KIAA1671: variants seen among roughly 807,000 people sequenced by gnomAD.
KIAA1671 encodes the protein uncharacterized protein KIAA1671.
In KIAA1671, 52 loss-of-function variants were observed where a neutral mutation model predicts 131.2. The observed-to-expected ratio is 0.40, with a 90% CI of 0.32 to 0.50. KIAA1671 has a LOEUF of 0.50. Among genes scored for constraint, KIAA1671 ranks in the 20% least tolerant of loss-of-function variants. The pLI is 0.73. For missense variants in KIAA1671, 2,360 were observed against 2,364.2 expected, an observed-to-expected ratio of 1.00 and a Z score of 0.04; for synonymous variants, 1,003 against 961.6, an observed-to-expected ratio of 1.04 and a Z score of -0.80.
At chr22:24,989,140 G>T (rs989617479) in intron 1 of KIAA1671, among the ~76,000 whole-genome samples, 10 of 152,232 alleles carry the variant, frequency 6.6e-5, no homozygotes, top group Admixed American at 6.5e-5. Context: ...GAGTAGGAAG[G>T]GGTGTTCATT....
rs547809171 is a variant in KIAA1671 at position 25,142,683 on chromosome 22, CTGAT to C, written c.4531-28136_4531-28133del. Among the ~76,000 whole-genome samples, 318 of 152,248 alleles carry C rather than the reference CTGAT, an allele frequency of 2.1e-3. 2 individuals are homozygous for C. Among genetic ancestry groups the C allele is most frequent in the Middle Eastern group, 3.4e-3 (1 of 294 alleles). On this transcript the variant is annotated intron_variant, in intron 6 of 12. Transcript: ENST00000358431. ...GGTCAGGAGTTCGAGACCAGCCTGA[CTGAT>C]ATGGTGAAACCCCGTCTCTAATAAA...
At chr22:24,955,228 T>C (rs1301643217) in intron 1 of KIAA1671, among the ~76,000 whole-genome samples, 1 of 152,244 alleles carries the variant, frequency 6.6e-6, no homozygotes, top group Admixed American at 6.5e-5. Flanking sequence ...ATTCATTCAT[T>C]TATTTATCAT....
chr22:25,152,524 T>C (rs1293970116), intron 6 of KIAA1671, among the ~76,000 whole-genome samples: 1 of 152,184 alleles, frequency 6.6e-6, no homozygotes, highest in Non-Finnish European at 1.5e-5. Flanking sequence ...TTCAGTTTTC[T>C]CCTGTATAAA....
rs995842107 is a variant in KIAA1671 at position 25,105,992 on chromosome 22, A to G, written c.4530+56628A>G. ...GCTGATGGTGTAATACAGTGATGCA[A>G]TGTAATGCCTGGCACATAGTAAGTG... On this transcript the variant is annotated intron_variant, in intron 6 of 12. Transcript: ENST00000358431. Among the ~76,000 whole-genome samples the G allele has an allele frequency of 2.6e-5, 4 of 152,284 alleles. No individual in the cohort carries two copies. The East Asian group carries it at 7.7e-4, about 29-fold the overall frequency.
rs562393230 is a variant in KIAA1671 at position 25,133,610 on chromosome 22, A to G, written c.4531-37210A>G. ...GAGGCTGGAGTGCAGTGGTGCAATC[A>G]TAGTTCACTGCAGCCTCGAACTCCT... On this transcript the variant is annotated intron_variant, in intron 6 of 12. Transcript: ENST00000358431. Among the ~76,000 whole-genome samples the G allele has an allele frequency of 7.2e-5, 11 of 152,278 alleles. 1 individual carries two copies. The South Asian group carries it at 1.9e-3, about 26-fold the overall frequency.
intron 6 of KIAA1671, among the ~76,000 whole-genome samples, chr22:25,158,114 C>T (rs924306023): frequency 1.3e-5 from 2 of 152,206 alleles, no homozygotes; most frequent in Non-Finnish European, 2.9e-5. Flanking sequence ...AGCCACCATG[C>T]CCAGCCCACA....
rs141623206 is a variant in KIAA1671 at position 25,187,837 on chromosome 22, A to G, written c.5342+2718A>G. Among the ~76,000 whole-genome samples the G allele has an allele frequency of 4.2e-3, 647 of 152,310 alleles. 5 individuals are homozygous for G. The highest frequency in any genetic ancestry group is 0.015 in the African/African-American group (608 of 41,578). On this transcript the variant is annotated intron_variant, in intron 11 of 12. Transcript: ENST00000358431. ...TTTATTAAAATGTTGTGTTCTCATT[A>G]TAAGAAATTCTGAGAACACAGAAAA...
chr22:25,183,431 T>TCCCC (rs1934358680), intron 10 of KIAA1671, among the ~76,000 whole-genome samples: 1 of 38,740 alleles, frequency 2.6e-5, no homozygotes, highest in African/African-American at 7.6e-5. Flanking sequence ...TTTCTTTCCC[T>TCCCC]CCCTCCCTCC....
intron 6 of KIAA1671, among the ~76,000 whole-genome samples, chr22:25,098,404 G>A (rs1930492750): frequency 6.6e-6 from 1 of 152,128 alleles, no homozygotes; most frequent in African/African-American, 2.4e-5. Flanking sequence ...CAATAGCAGA[G>A]ACTAAGACAT....
At position 25,029,275 on chromosome 22, in the gene KIAA1671, G is replaced by A. The variant is rs919589980; in HGVS notation, c.1276G>A (p.Ala426Thr). ...GAGCAGAGTGGCGGATGGGGAGGCC[G>A]CGGCAGGGGGAGAGTGGGCCTCCAG... is the stretch of plus-strand genomic sequence containing the variant. The part of the protein sequence containing the change: ...VKSRVADGEA[A>T]AGGEWASRRS... Residue 426 changes from alanine to threonine, a missense_variant, in exon 3 of 13, where the codon GCG (alanine) becomes ACG (threonine). Transcript: ENST00000358431. The A allele has an allele frequency of 6.6e-6, 10 of 1,504,854 alleles. No individual in the cohort carries two copies. Among genetic ancestry groups the A allele is most frequent in the Admixed American group, 4.2e-5 (2 of 47,340 alleles). The allele number at this position is 1,504,854 out of a possible 1,614,324, so 93.2% of individuals were successfully genotyped here. A position where few individuals can be genotyped will look rare whatever the true frequency, so the allele number is the denominator to read the frequency against.
Position 25,150,413 on chromosome 22 carries a change from C to T in KIAA1671, c.4531-20407C>T, listed in dbSNP as rs142493345. Among the ~76,000 whole-genome samples, 880 of 152,304 alleles carry T rather than the reference C, an allele frequency of 5.8e-3. 5 individuals are homozygous for T. Among genetic ancestry groups the T allele is most frequent in the Non-Finnish European group, 9.6e-3 (655 of 68,022 alleles). On this transcript the variant is annotated intron_variant, in intron 6 of 12. Transcript: ENST00000358431. ...TTACCTGAGGCCATACAGCCAGGGA[C>T]GCAGGCTCTGTCGGCCCTCTGAGCC...
chr22:24,988,630 G>A (rs1374595387), intron 1 of KIAA1671, among the ~76,000 whole-genome samples: 1 of 151,702 alleles, frequency 6.6e-6, no homozygotes, highest in Non-Finnish European at 1.5e-5. Context: ...CAGCTACTTG[G>A]GAGGCTGAGG....
chr22:25,127,359 G>T (rs1932231429), intron 6 of KIAA1671, among the ~76,000 whole-genome samples: 1 of 152,178 alleles, frequency 6.6e-6, no homozygotes, highest in Non-Finnish European at 1.5e-5. Context: ...GGCTCCACTG[G>T]TGTTTTAAGA....
Position 25,039,481 on chromosome 22 carries a change from G to C in KIAA1671, c.2351G>C (p.Cys784Ser). The stretch of plus-strand genomic sequence containing the variant: ...GAGGTCACCCCTGCTGACCTGGAGT[G>C]TGGTTTGGAAGGTCAGGCGGGGTCC... The part of the protein sequence containing the change: ...SQEVTPADLE[C>S]GLEGQAGSVQ... Residue 784 changes from cysteine to serine, a missense_variant, in exon 5 of 13, where the codon TGT becomes TCT. By Grantham distance (112) the Cys-to-Ser change is moderately radical. This residue lies in a region of KIAA1671 where 1,185 missense variants were observed against 1,126.2 expected (regional missense o/e 1.05). Coordinates refer to ENST00000358431, the MANE Select transcript of KIAA1671 (RefSeq NM_001145206.2). The C allele has an allele frequency of 6.4e-7, 1 of 1,551,808 alleles. No homozygotes were observed. Among genetic ancestry groups the C allele is most frequent in the Non-Finnish European group, 8.7e-7 (1 of 1,147,024 alleles).
chr22:24,965,429 G>A (rs1169313766), intron 1 of KIAA1671, among the ~76,000 whole-genome samples: 2 of 150,770 alleles, frequency 1.3e-5, no homozygotes, highest in African/African-American at 4.9e-5. Flanking sequence ...AAAAAAAACG[G>A]GAGACCTCCC....
At position 25,039,473 on chromosome 22, in the gene KIAA1671, C is replaced by T; in HGVS notation, c.2343C>T (p.Asp781=). The change falls in exon 5 of 13, where the codon GAC becomes GAT. Residue 781 remains aspartate, a synonymous_variant. Coordinates refer to ENST00000358431, the MANE Select transcript of KIAA1671 (RefSeq NM_001145206.2). ...RQLSQEVTPA[D]LECGLEGQAG... The stretch of plus-strand genomic sequence containing the variant: ...TGTCCCAGGAGGTCACCCCTGCTGA[C>T]CTGGAGTGTGGTTTGGAAGGTCAGG... The T allele has an allele frequency of 6.4e-7, 1 of 1,551,798 alleles. No homozygotes were observed. Among genetic ancestry groups the T allele is most frequent in the Non-Finnish European group, 8.7e-7 (1 of 1,147,018 alleles).
chr22:25,031,260 G>A (rs1185647392), intron 3 of KIAA1671, among the ~76,000 whole-genome samples: 6 of 142,742 alleles, frequency 4.2e-5, no homozygotes, highest in African/African-American at 1.6e-4. Flanking sequence ...GCAGTGGCAC[G>A]ATCTTGGCTC....
In KIAA1671 at chr22:24,968,442, G is replaced by T. The variant is rs16979345; in HGVS notation, c.-208+15670G>T. Among the ~76,000 whole-genome samples, 590 of 152,236 alleles carry T rather than the reference G, an allele frequency of 3.9e-3. 21 individuals are homozygous for T. The East Asian group carries it at 0.077, about 20-fold the overall frequency. On this transcript the variant is annotated intron_variant, in intron 1 of 12. Transcript: ENST00000358431. ...AGCCTATAGTAGAAGACGCCACCTG[G>T]GTCCGGAGCCATGCAGCCCGCAGTC...
At chr22:24,983,500 G>T (rs777683305) in intron 1 of KIAA1671, among the ~76,000 whole-genome samples, 5 of 151,892 alleles carry the variant, frequency 3.3e-5, no homozygotes, top group Non-Finnish European at 5.9e-5. Flanking sequence ...TCCAAAGAAG[G>T]TCGCATTCTG....
Sources: allele counts gnomAD v4.1 joint callset (sites outside exome capture counted in the v4.1 genomes callset), GRCh38; gene constraint gnomAD v4.1.1; regional missense constraint gnomAD v4.1.1; transcripts MANE v1.5; gene names NCBI Gene and HGNC (gene_info 2026-07-23, HGNC 2026-07-21).